PTPRN: variants seen among roughly 807,000 people sequenced by gnomAD.
PTPRN encodes the protein protein tyrosine phosphatase receptor type N, also known as receptor-type tyrosine-protein phosphatase-like N.
PTPRN carries 70 observed loss-of-function variants against 108.5 expected under a neutral mutation model. The ratio of observed to expected loss-of-function variants is 0.65; its 90% CI spans 0.53 to 0.79. The LOEUF (loss-of-function observed/expected upper bound fraction) is 0.79, where lower values mean the gene tolerates loss of function less well. Among genes scored for constraint, PTPRN ranks in the 30% least tolerant of loss-of-function variants. The pLI, the probability that PTPRN is intolerant of heterozygous loss-of-function variation, is 0.00. For missense variants in PTPRN, 1,136 were observed against 1,295.5 expected (o/e 0.88, Z 1.89); for synonymous variants, 496 against 524.6 (o/e 0.95, Z 0.75).
Position 219,296,141 on chromosome 2 carries a change from C to A in PTPRN, c.2508+85G>T. The A allele has an allele frequency of 6.3e-7, 1 of 1,582,298 alleles. No individual in the cohort carries two copies. The highest frequency in any genetic ancestry group is 2.3e-5 in the East Asian group (1 of 44,324). ...GCCTTTTTAAAAAGACTGTTGAGTG[C>A]TCATTTGGTGAAGAAAACGTTACGA... On this transcript the variant is annotated intron_variant, in intron 18 of 22. Transcript: ENST00000295718. This position sits in a 1 kb window ranked among gnomAD's most constrained non-coding sequence, Gnocchi z 6.0.
In PTPRN at chr2:219,295,999, CA is replaced by C. The variant is rs1952184225; in HGVS notation, c.2508+226del. The C allele has an allele frequency of 5.1e-6, 3 of 588,692 alleles. No homozygotes were observed. The Admixed American group carries it at 9.5e-5, about 19-fold the overall frequency. 36.5% of individuals were successfully genotyped at this position (588,692 alleles called of 1,614,324 possible). A position where few individuals can be genotyped will look rare whatever the true frequency, so the allele number is the denominator to read the frequency against. On this transcript the variant is annotated intron_variant, in intron 18 of 22. Transcript: ENST00000295718. ...GGACACACACACACACACACACACA[CA>C]CACATGTATGTTCTGTAAACAGGAC...
intron 1 of PTPRN, 92 bp downstream of exon 1, chr2:219,309,126 T>A: frequency 7.1e-7 from 1 of 1,411,454 alleles, no homozygotes; most frequent in Non-Finnish European, 9.5e-7. Context: ...CCGAGCTTCA[T>A]GACATTTCAC....
In PTPRN at chr2:219,296,681, G is replaced by A; in HGVS notation, c.2310+68C>T. 2 of 1,591,874 alleles carry A rather than the reference G, an allele frequency of 1.3e-6. No homozygotes were observed. The highest frequency in any genetic ancestry group is 3.5e-5 in the Admixed American group (2 of 57,714). On this transcript the variant is annotated intron_variant, in intron 16 of 22. Coordinates refer to ENST00000295718, the MANE Select transcript of PTPRN (RefSeq NM_002846.4). The surrounding 1 kb of genome is among the most constrained non-coding windows in gnomAD (Gnocchi z 6.0). ...TTGGTGGGGTGGCAGGTGACCACGG[G>A]GAAATGGAGTGCATAGGGCCAGGAT...
chr2:219,302,032 A>G (rs950591291), intron 6 of PTPRN, 105 bp downstream of exon 6: 3 of 1,074,542 alleles, frequency 2.8e-6, no homozygotes, highest in Admixed American at 5.4e-5. Context: ...TGTATGAATG[A>G]CTTTAAGGAC....
Position 219,296,364 on chromosome 2 carries a change from T to C in PTPRN, c.2389-19A>G. The C allele has an allele frequency of 7.4e-6, 12 of 1,614,114 alleles. No individual in the cohort carries two copies. Among genetic ancestry groups the C allele is most frequent in the East Asian group, 2.2e-5 (1 of 44,868 alleles). ...ACACCATCTAGGGACAGAGACCCAGTTGAGCTCCACTCTAACCTCCCTGGG... is the reference window on the plus strand; with the variant it reads ...ACACCATCTAGGGACAGAGACCCAGCTGAGCTCCACTCTAACCTCCCTGGG... On this transcript the variant is annotated intron_variant, in intron 17 of 22. Coordinates refer to ENST00000295718, the MANE Select transcript of PTPRN (RefSeq NM_002846.4). This position sits in a 1 kb window ranked among gnomAD's most constrained non-coding sequence, Gnocchi z 6.0.
At chr2:219,299,939 C>T in intron 9 of PTPRN, 46 bp downstream of exon 9, 1 of 1,608,134 alleles carries the variant, frequency 6.2e-7, no homozygotes, top group South Asian at 1.1e-5. Flanking sequence ...GGCAGGCCAG[C>T]CCAAATCCTA....
In PTPRN at chr2:219,290,974, T is replaced by TG. The variant is rs1413041184; in HGVS notation, c.2730-85dup. The TG allele has an allele frequency of 7.3e-7, 1 of 1,371,402 alleles. No individual in the cohort carries two copies. The highest frequency in any genetic ancestry group is 1.0e-6 in the Non-Finnish European group (1 of 961,996). 85.0% of individuals were successfully genotyped at this position (1,371,402 alleles called of 1,614,324 possible). On this transcript the variant is annotated intron_variant, in intron 20 of 22. Transcript: ENST00000295718. The surrounding 1 kb of genome is among the most constrained non-coding windows in gnomAD (Gnocchi z 4.2). The stretch of plus-strand genomic sequence containing the variant: ...GAGGAGGCGAGGAGGCCTGGAGGCC[T>TG]GGGGGAGGGGAGGACACTGGGTGAC...
chr2:219,290,427 G>A lies in PTPRN; in HGVS notation c.2868+111C>T, dbSNP rs749940729. ...GGAGGAAGGGAGCCCTCCTGGAGGA[G>A]GCGCAGAAGCAGGTGGGAAAGGTTG... is the stretch of plus-strand genomic sequence containing the variant. On this transcript the variant is annotated intron_variant, in intron 22 of 22. Coordinates refer to ENST00000295718, the MANE Select transcript of PTPRN (RefSeq NM_002846.4). The surrounding 1 kb of genome is among the most constrained non-coding windows in gnomAD (Gnocchi z 4.2). The A allele has an allele frequency of 1.4e-6, 2 of 1,389,348 alleles. No homozygotes were observed. The highest frequency in any genetic ancestry group is 1.4e-5 in the African/African-American group (1 of 69,684). The allele number at this position is 1,389,348 out of a possible 1,614,324, so 86.1% of individuals were successfully genotyped here.
chr2:219,290,746 C>G lies in PTPRN; in HGVS notation c.2794+80G>C. ...CCTGGAGGTTGACAACCTGCTCCTTCTGAGCTCCCAGGACCCTGTGTGCTG... is the reference window on the plus strand; with the variant it reads ...CCTGGAGGTTGACAACCTGCTCCTTGTGAGCTCCCAGGACCCTGTGTGCTG... On this transcript the variant is annotated intron_variant, in intron 21 of 22. Transcript: ENST00000295718. The surrounding 1 kb of genome is among the most constrained non-coding windows in gnomAD (Gnocchi z 4.2). 1 of 1,538,654 alleles carries G rather than the reference C, an allele frequency of 6.5e-7. No homozygotes were observed. The highest frequency in any genetic ancestry group is 9.0e-7 in the Non-Finnish European group (1 of 1,113,062).
intron 2 of PTPRN, 58 bp downstream of exon 2, chr2:219,307,734 G>A: frequency 6.3e-7 from 1 of 1,589,712 alleles, no homozygotes; most frequent in Non-Finnish European, 8.6e-7. Context: ...TCCCCTTCTT[G>A]TTTTTTATTG....
rs372739760 is a variant in PTPRN, at chr2:219,303,860, G to A, written c.281-29C>T. The A allele has an allele frequency of 5.9e-5, 92 of 1,565,838 alleles. 1 individual carries two copies. In the South Asian group the frequency reaches 9.5e-4, roughly 16 times the overall value. On this transcript the variant is annotated intron_variant, in intron 3 of 22. Transcript: ENST00000295718. ...TCAGGAAAGAGGACAGCGTAAGTTG[G>A]TTCAGGAGTCTGGGGATCCAGTAAC... is the stretch of plus-strand genomic sequence containing the variant.
Position 219,297,247 on chromosome 2 carries a change from C to T in PTPRN, c.2074G>A (p.Gly692Arg). ...CCTGTCCTGACCAGAATCATGTGTC[C>T]CGTGGAGATGTCCATGTTGGCTTGG... is the stretch of plus-strand genomic sequence containing the variant. ...PAQANMDIST[G>R]HMILAYMEDH... Residue 692 changes from glycine to arginine, a missense_variant, in exon 14 of 23, where the codon GGA (glycine) becomes AGA (arginine). Physicochemically the swap from Gly to Arg is moderately radical, Grantham distance 125. Coordinates refer to ENST00000295718, the MANE Select transcript of PTPRN (RefSeq NM_002846.4). This position sits in a 1 kb window ranked among gnomAD's most constrained non-coding sequence, Gnocchi z 6.0. The T allele has an allele frequency of 6.2e-7, 1 of 1,614,014 alleles. No individual in the cohort carries two copies. The highest frequency in any genetic ancestry group is 8.5e-7 in the Non-Finnish European group (1 of 1,179,956).
At chr2:219,301,434 C>T (rs1188322948) in intron 7 of PTPRN, among the ~76,000 whole-genome samples, 154 bp downstream of exon 7, 1 of 152,220 alleles carries the variant, frequency 6.6e-6, no homozygotes, top group Non-Finnish European at 1.5e-5. Flanking sequence ...CCCTTGCTCC[C>T]TGCCTTGCTG....
At chr2:219,303,390 T>A (rs1223083182) in intron 4 of PTPRN, among the ~76,000 whole-genome samples, 1 of 152,238 alleles carries the variant, frequency 6.6e-6, no homozygotes, top group Non-Finnish European at 1.5e-5. Context: ...GTGGCTCCTG[T>A]CATATAGAAA....
intron 12 of PTPRN, 112 bp from the exon 13 acceptor site, chr2:219,298,215 G>T: frequency 1.9e-6 from 2 of 1,054,528 alleles, no homozygotes; most frequent in Non-Finnish European, 2.8e-6. Flanking sequence ...CTGGGGCAAA[G>T]CTGGGAGATT....
At chr2:219,299,510 GC>G in intron 10 of PTPRN, 126 bp from the exon 11 acceptor site, 1 of 1,209,810 alleles carries the variant, frequency 8.3e-7, no homozygotes. Context: ...CCCTACAGGG[GC>G]ATCTTAGGCA....
Position 219,295,054 on chromosome 2 carries a change from T to G in PTPRN, c.2596A>C (p.Thr866Pro), listed in dbSNP as rs1234325856. The G allele has an allele frequency of 1.2e-6, 2 of 1,613,388 alleles. No homozygotes were observed. The highest frequency in any genetic ancestry group is 1.3e-5 in the African/African-American group (1 of 74,876). Reference sequence around the variant, plus strand: ...CTGAGGAAGTGGAACTGCGTGAGCGTGCGCGTCTCCTGGGTCTGCACGTTC... The same window carrying G: ...CTGAGGAAGTGGAACTGCGTGAGCGGGCGCGTCTCCTGGGTCTGCACGTTC... ...LKNVQTQETR[T>P]LTQFHFLSWP... is the part of the protein sequence containing the mutation. Residue 866 changes from threonine to proline, a missense_variant, in exon 19 of 23, where the codon ACG becomes CCG. By Grantham distance (38) the Thr-to-Pro change is conservative. Coordinates refer to ENST00000295718, the MANE Select transcript of PTPRN (RefSeq NM_002846.4).
rs1313497269 is a variant in PTPRN at position 219,291,536 on chromosome 2, A to G, written c.2676-13T>C. ...CTTGTTCACCTTCCTGCAACAAGAAATGGGTGTGAGGGCCAGTGGGCACCA... is the reference window on the plus strand; with the variant it reads ...CTTGTTCACCTTCCTGCAACAAGAAGTGGGTGTGAGGGCCAGTGGGCACCA... On this transcript the variant is annotated splice_polypyrimidine_tract_variant and intron_variant, in intron 19 of 22. Coordinates refer to ENST00000295718, the MANE Select transcript of PTPRN (RefSeq NM_002846.4). 1 of 1,613,690 alleles carries G rather than the reference A, an allele frequency of 6.2e-7. No individual in the cohort carries two copies. The highest frequency in any genetic ancestry group is 2.2e-5 in the East Asian group (1 of 44,874).
At chr2:219,299,637 C>A in intron 10 of PTPRN, 63 bp downstream of exon 10, 1 of 1,470,180 alleles carries the variant, frequency 6.8e-7, no homozygotes. Flanking sequence ...CCCCTCCAGC[C>A]ACCTCCTTGC....
Sources: gnomAD v4.1 joint callset for allele counts (sites outside exome capture counted in the v4.1 genomes callset) on GRCh38, gnomAD v4.1.1 for gene constraint, Gnocchi (gnomAD v3.1) non-coding constraint, MANE v1.5 for transcripts, NCBI Gene and HGNC (gene_info 2026-07-23, HGNC 2026-07-21) for gene names.